DUSP11: variants seen among roughly 807,000 people sequenced by gnomAD.
DUSP11 encodes RNA/RNP complex-1-interacting phosphatase.
In DUSP11, 27 loss-of-function variants were observed where a neutral mutation model predicts 41.4. The ratio of observed to expected loss-of-function variants is 0.65; its 90% CI spans 0.48 to 0.90. DUSP11 has a LOEUF of 0.90. DUSP11 is among the 40% of genes least tolerant of loss of function. The pLI, the probability that DUSP11 is intolerant of heterozygous loss-of-function variation, is 0.00. For synonymous variants in DUSP11, 188 were observed against 159.3 expected, an observed-to-expected ratio of 1.18 and a Z score of -1.35; for missense variants, 465 against 461.1, an observed-to-expected ratio of 1.01 and a Z score of -0.08.
At chr2:73,770,111 T>C (rs1394621948) in intron 4 of DUSP11, among the ~76,000 whole-genome samples, 1 of 146,250 alleles carries the variant, frequency 6.8e-6, no homozygotes, top group South Asian at 2.2e-4. Flanking sequence ...CTGGCCAACA[T>C]GGCGAAACCA....
chr2:73,762,601 C>A, exon 9 of DUSP11: 1 of 1,348,844 alleles, frequency 7.4e-7, no homozygotes, highest in South Asian at 1.4e-5. Flanking sequence ...AATTAAAAGT[C>A]ACACCAGTAA....
Position 73,770,961 on chromosome 2 carries a change from G to C in DUSP11, c.575-1636C>G, listed in dbSNP as rs1281903429. On this transcript the variant is annotated intron_variant, in intron 4 of 8. Coordinates refer to ENST00000272444, the Ensembl canonical transcript of DUSP11. ...GGACTTTGCACCTGCTGTTCCCTCT[G>C]CCTTAGGACATTCCTCCCCAGACAC... is the stretch of plus-strand genomic sequence containing the variant. Among the ~76,000 whole-genome samples, 5 of 152,226 alleles carry C rather than the reference G, an allele frequency of 3.3e-5. No individual in the cohort carries two copies. The East Asian group carries it at 9.7e-4, about 29-fold the overall frequency.
chr2:73,772,656 A>T (rs1336217152), intron 4 of DUSP11, among the ~76,000 whole-genome samples: 1 of 152,266 alleles, frequency 6.6e-6, no homozygotes, highest in Non-Finnish European at 1.5e-5. Flanking sequence ...CTTAAAAGGT[A>T]GTATTTCTGT....
intron 1 of DUSP11, 59 bp downstream of exon 1, chr2:73,779,815 A>C (rs1672757337): frequency 6.2e-7 from 1 of 1,602,198 alleles, no homozygotes; most frequent in Middle Eastern, 1.7e-4. Flanking sequence ...CAAACGATGA[A>C]GCCCAGACCC....
chr2:73,778,322 A>G (rs1280803498), exon 2 of DUSP11: 1 of 1,565,524 alleles, frequency 6.4e-7, no homozygotes, highest in East Asian at 2.4e-5. Flanking sequence ...GAACTTTGAA[A>G]GCAATGAAAC....
At chr2:73,774,781 G>T in intron 3 of DUSP11, 132 bp downstream of exon 3, 2 of 601,482 alleles carry the variant, frequency 3.3e-6, no homozygotes, top group Non-Finnish European at 5.4e-6. Context: ...GAAATCACTT[G>T]GTTCTCTTTT....
chr2:73,768,647 C>T (rs1672515787), intron 5 of DUSP11: 16 of 985,270 alleles, frequency 1.6e-5, no homozygotes, highest in Non-Finnish European at 1.8e-5. Flanking sequence ...CAAAGAACAA[C>T]GCAGGCCTTA....
intron 8 of DUSP11, 104 bp downstream of exon 8, chr2:73,766,309 CAAAAA>C: frequency 1.2e-6 from 1 of 836,876 alleles, no homozygotes; most frequent in Non-Finnish European, 1.7e-6. Context: ...ACTCTGTCTC[CAAAAA>C]AAAAAAAAAC....
chr2:73,766,786 C>A, intron 7 of DUSP11, 42 bp downstream of exon 7: 1 of 1,507,904 alleles, frequency 6.6e-7, no homozygotes, highest in Non-Finnish European at 9.2e-7. Flanking sequence ...AAACAGAGAT[C>A]TCCCTGACCC....
At chr2:73,766,106 A>G (rs1051553177) in intron 8 of DUSP11, among the ~76,000 whole-genome samples, 3 of 152,092 alleles carry the variant, frequency 2.0e-5, no homozygotes, top group African/African-American at 7.2e-5. Context: ...TCAGGAGATC[A>G]AGACCATCCT....
exon 9 of DUSP11, chr2:73,762,497 C>A (rs1489649338): frequency 1.9e-5 from 8 of 431,744 alleles, no homozygotes; most frequent in Admixed American, 1.3e-4. Flanking sequence ...GTAATTACTG[C>A]AAATTTATCA....
intron 5 of DUSP11, chr2:73,768,617 C>A: frequency 2.0e-6 from 2 of 985,388 alleles, no homozygotes; most frequent in Non-Finnish European, 2.4e-6. Context: ...AAACTTCTGA[C>A]TTTTGTGTTC....
chr2:73,775,394 CAG>C (rs1672660157), intron 2 of DUSP11, among the ~76,000 whole-genome samples: 1 of 113,772 alleles, frequency 8.8e-6, no homozygotes, highest in South Asian at 2.8e-4. Context: ...TTTTTTGAAA[CAG>C]GGTGTTGCTC....
rs368243232 is a variant in DUSP11, at chr2:73,777,169, C to T, written c.318+1132G>A. Among the ~76,000 whole-genome samples the T allele has an allele frequency of 9.2e-5, 14 of 152,156 alleles. No homozygotes were observed. The East Asian group carries it at 2.7e-3, about 29-fold the overall frequency. ...TTAATTTTTGTATTTTTTGTAGAGA[C>T]ACGGTTTCAGTGTTGCCCAGGCTGG... is the stretch of plus-strand genomic sequence containing the variant. On this transcript the variant is annotated intron_variant, in intron 2 of 8. Coordinates refer to ENST00000272444, the Ensembl canonical transcript of DUSP11.
chr2:73,779,910 G>T lies in DUSP11; in HGVS notation c.206C>A (p.Ser69Ter), dbSNP rs775528475. The T allele has an allele frequency of 6.2e-7, 1 of 1,614,086 alleles. No homozygotes were observed. Among genetic ancestry groups the T allele is most frequent in the Admixed American group, 1.7e-5 (1 of 59,994 alleles). The change falls in exon 1 of 9, where the codon TCA becomes TAA. Residue 69 changes from serine (S) to a stop codon, truncating the protein, a stop_gained. Transcript: ENST00000272444. LOFTEE classifies it high-confidence loss of function. ...GTGGTTTCCGCCCTTCTTCTTGGCT[G>T]AGGAGCGTCCTGAAAAGTCGCGTCT...
chr2:73,763,954 C>T (rs1672411158), intron 8 of DUSP11, among the ~76,000 whole-genome samples: 1 of 151,346 alleles, frequency 6.6e-6, no homozygotes, highest in South Asian at 2.1e-4. Context: ...TATTTAGCTA[C>T]ATTCTCCACT....
At chr2:73,779,257 A>G (rs1317723243) in intron 1 of DUSP11, among the ~76,000 whole-genome samples, 1 of 152,236 alleles carries the variant, frequency 6.6e-6, no homozygotes, top group Non-Finnish European at 1.5e-5. Flanking sequence ...GTACTGACAG[A>G]AAGTGACAGT....
chr2:73,779,076 G>A (rs1672741725), intron 1 of DUSP11, among the ~76,000 whole-genome samples: 2 of 152,194 alleles, frequency 1.3e-5, no homozygotes, highest in African/African-American at 4.8e-5. Flanking sequence ...GCTTGAATCC[G>A]GGAGGCGGAG....
At chr2:73,779,313 T>C (rs1261188186) in intron 1 of DUSP11, among the ~76,000 whole-genome samples, 2 of 152,130 alleles carry the variant, frequency 1.3e-5, no homozygotes, top group East Asian at 1.9e-4. Context: ...AGGTATGAGA[T>C]GGTGGAGGAT....
Sources: allele counts gnomAD v4.1 joint callset (sites outside exome capture counted in the v4.1 genomes callset), GRCh38; gene constraint gnomAD v4.1.1; transcripts MANE v1.5; gene names NCBI Gene and HGNC (gene_info 2026-07-23, HGNC 2026-07-21).